The following RELCH variants were observed in gnomAD, a reference collection of about 807,000 sequenced individuals.
RELCH encodes the protein RAB11 binding and LisH domain, coiled-coil and HEAT repeat containing.
In RELCH, 41 loss-of-function variants were observed where a neutral mutation model predicts 150.3. The ratio of observed to expected loss-of-function variants is 0.27; its 90% CI spans 0.21 to 0.35. RELCH has a LOEUF of 0.35. Among genes scored for constraint, RELCH ranks in the 10% least tolerant of loss-of-function variants. The pLI, the probability that RELCH is intolerant of heterozygous loss-of-function variation, is 1.00. For synonymous variants in RELCH, 478 were observed against 531.8 expected (o/e 0.90, Z 1.39); for missense variants, 1,092 against 1,467.8 (o/e 0.74, Z 4.18).
chr18:62,211,224 A>C lies in RELCH; in HGVS notation c.598A>C (p.Thr200Pro). Residue 200 changes from threonine (T) to proline (P), a missense_variant, in exon 2 of 29, where the codon ACA (threonine) becomes CCA (proline). Physicochemically the swap from Thr to Pro is conservative, Grantham distance 38 (BLOSUM62 -1). Around this residue, in one of 4 missense-constraint regions of RELCH, gnomAD observed 190 missense variants for 276.2 expected, o/e 0.69. Coordinates refer to ENST00000644646, the MANE Select transcript of RELCH (RefSeq NM_001346231.2). ...ARYSDDGNRE[T>P]DEKVAVLEFE... ...ATATTCAGATGATGGTAACAGGGAA[A>C]CAGATGAAAAAGTGGCAGGTGAGTA... The C allele has an allele frequency of 1.2e-6, 2 of 1,606,898 alleles. No individual in the cohort carries two copies. Among genetic ancestry groups the C allele is most frequent in the Non-Finnish European group, 1.7e-6 (2 of 1,173,938 alleles).
intron 2 of RELCH, among the ~76,000 whole-genome samples, chr18:62,212,858 G>A (rs979363810): frequency 1.3e-5 from 2 of 152,132 alleles, no homozygotes; most frequent in African/African-American, 4.8e-5. Flanking sequence ...CTCAAGACTA[G>A]AGATATTGAA....
chr18:62,239,423 GAA>G (rs1167352421), intron 10 of RELCH, among the ~76,000 whole-genome samples: 13 of 151,146 alleles, frequency 8.6e-5, no homozygotes, highest in Non-Finnish European at 1.6e-4. Context: ...AGTTTCAACT[GAA>G]AAGTTAAATC....
rs1407645801 is a variant in RELCH, at chr18:62,187,986, G to A, written c.481G>A (p.Ala161Thr). The A allele has an allele frequency of 6.3e-7, 1 of 1,599,156 alleles. No homozygotes were observed. Among genetic ancestry groups the A allele is most frequent in the African/African-American group, 1.3e-5 (1 of 74,950 alleles). The change falls in exon 1 of 29, where the codon GCT becomes ACT. Residue 161 changes from alanine to threonine, a missense_variant. By Grantham distance (58) the Ala-to-Thr change is moderately conservative. Around this residue, in one of 4 missense-constraint regions of RELCH, gnomAD observed 190 missense variants for 276.2 expected, o/e 0.69. Coordinates refer to ENST00000644646, the MANE Select transcript of RELCH (RefSeq NM_001346231.2). ...GVPGAAGVGGAGGREPSTASG... is the reference protein window; with the variant it reads ...GVPGAAGVGGTGGREPSTASG... ...CCCTGGAGCAGCCGGCGTTGGGGGC[G>A]CTGGAGGTCGGGAACCGAGTACAGC...
intron 1 of RELCH, 122 bp downstream of exon 1, chr18:62,188,153 G>A: frequency 8.7e-7 from 1 of 1,155,374 alleles, no homozygotes; most frequent in Non-Finnish European, 1.2e-6. Context: ...CGAGAGTATT[G>A]GGGTGGGGGC....
chr18:62,214,305 T>G lies in RELCH; in HGVS notation c.616+3063T>G, dbSNP rs142476655. Reference sequence around the variant, plus strand: ...GAAACTTTTTTTAAAAAAATTTCAATTAATCATAATTCCTATTTCCAAAAA... The same window carrying G: ...GAAACTTTTTTTAAAAAAATTTCAAGTAATCATAATTCCTATTTCCAAAAA... On this transcript the variant is annotated intron_variant, in intron 2 of 28. Transcript: ENST00000644646. Among the ~76,000 whole-genome samples the G allele has an allele frequency of 6.0e-3, 905 of 151,852 alleles. 8 individuals are homozygous for G. Among genetic ancestry groups the G allele is most frequent in the Middle Eastern group, 0.02 (6 of 294 alleles).
rs1451209289 is a variant in RELCH, at chr18:62,305,159, G to A, written c.3531-255G>A. Among the ~76,000 whole-genome samples the A allele has an allele frequency of 2.6e-5, 4 of 152,136 alleles. No individual in the cohort carries two copies. The highest frequency in any genetic ancestry group is 5.9e-5 in the Non-Finnish European group (4 of 68,032). On this transcript the variant is annotated intron_variant, in intron 28 of 28. Coordinates refer to ENST00000644646, the MANE Select transcript of RELCH (RefSeq NM_001346231.2). This position sits in a 1 kb window ranked among gnomAD's most constrained non-coding sequence, Gnocchi z 4.0. ...AGATGAGATTAAATAATTTACCCGA[G>A]CTGGTAAACAGAGCCAAGATTCAGT...
chr18:62,296,804 TAC>T lies in RELCH; in HGVS notation c.3460-1984_3460-1983del, dbSNP rs1467078824. On this transcript the variant is annotated intron_variant, in intron 27 of 28. Transcript: ENST00000644646. ...ATGAGGTTGTTTTTTCTTCTGTTGA[TAC>T]AGTGTATTACATTAATTTATCTTGG... Among the ~76,000 whole-genome samples the T allele has an allele frequency of 3.3e-5, 5 of 152,370 alleles. No individual in the cohort carries two copies. The East Asian group carries it at 9.6e-4, about 29-fold the overall frequency.
At chr18:62,209,184 A>G (rs1341967334) in intron 1 of RELCH, among the ~76,000 whole-genome samples, 1 of 152,210 alleles carries the variant, frequency 6.6e-6, no homozygotes, top group Non-Finnish European at 1.5e-5. Context: ...TCTGCTTACA[A>G]CATTGCTAAT....
At chr18:62,206,966 G>A (rs571573008) in intron 1 of RELCH, among the ~76,000 whole-genome samples, 6 of 152,080 alleles carry the variant, frequency 3.9e-5, no homozygotes, top group South Asian at 2.1e-4. Context: ...TCTTAAACTC[G>A]TGGGTTCAAG....
chr18:62,253,805 G>A (rs1386696652), intron 12 of RELCH, among the ~76,000 whole-genome samples: 2 of 152,086 alleles, frequency 1.3e-5, no homozygotes, highest in African/African-American at 4.8e-5. Flanking sequence ...CTAATTTAGG[G>A]TGAGGTTCTA....
chr18:62,234,310 TG>T (rs2041760049), intron 10 of RELCH, among the ~76,000 whole-genome samples: 1 of 151,408 alleles, frequency 6.6e-6, no homozygotes, highest in Non-Finnish European at 1.5e-5. Context: ...TGTTTTGTTT[TG>T]TTTTTTGGGT....
chr18:62,219,191 C>T (rs1350545288), intron 2 of RELCH, among the ~76,000 whole-genome samples: 1 of 151,576 alleles, frequency 6.6e-6, no homozygotes, highest in African/African-American at 2.4e-5. Context: ...AAATTCTTGC[C>T]GTCTGACATG....
intron 1 of RELCH, among the ~76,000 whole-genome samples, chr18:62,194,782 T>C (rs1298735275): frequency 6.6e-6 from 1 of 152,212 alleles, no homozygotes; most frequent in Non-Finnish European, 1.5e-5. Context: ...TCTAAAACAT[T>C]ATTTTGATTT....
At chr18:62,238,831 C>T (rs371763685) in intron 10 of RELCH, among the ~76,000 whole-genome samples, 2 of 152,016 alleles carry the variant, frequency 1.3e-5, no homozygotes, top group East Asian at 3.9e-4. Context: ...TCAATAAAAC[C>T]GTCATTAAAA....
intron 11 of RELCH, 33 bp from the exon 12 acceptor site, chr18:62,252,631 C>G (rs779824569): frequency 6.4e-7 from 1 of 1,555,966 alleles, no homozygotes; most frequent in South Asian, 1.1e-5. Flanking sequence ...CTTTCTCATG[C>G]AAATACAAGC....
At chr18:62,254,026 C>T (rs926105047) in intron 12 of RELCH, among the ~76,000 whole-genome samples, 2 of 152,012 alleles carry the variant, frequency 1.3e-5, no homozygotes, top group Admixed American at 6.6e-5. Context: ...AAAGACAAAC[C>T]CTAACTGCTT....
intron 15 of RELCH, among the ~76,000 whole-genome samples, chr18:62,260,226 ATGATCTGAAT>A (rs2043191160): frequency 4.8e-5 from 7 of 145,168 alleles, no homozygotes; most frequent in Non-Finnish European, 9.1e-5. Flanking sequence ...GAATGGGCAA[ATGATCTGAAT>A]AAACACTTCT....
At chr18:62,204,657 T>C (rs752004414) in intron 1 of RELCH, among the ~76,000 whole-genome samples, 1 of 152,210 alleles carries the variant, frequency 6.6e-6, no homozygotes, top group Non-Finnish European at 1.5e-5. Context: ...ATTAGTTATT[T>C]ACCAAGGCAG....
intron 10 of RELCH, among the ~76,000 whole-genome samples, chr18:62,240,908 G>A (rs538311695): frequency 6.6e-6 from 1 of 152,210 alleles, no homozygotes; most frequent in Non-Finnish European, 1.5e-5. Flanking sequence ...AGGAGGGGGA[G>A]TTGGGCTGGC....
Sources: gnomAD v4.1 joint callset for allele counts (sites outside exome capture counted in the v4.1 genomes callset) on GRCh38, gnomAD v4.1.1 for gene constraint, gnomAD v4.1.1 regional missense constraint, Gnocchi (gnomAD v3.1) non-coding constraint, MANE v1.5 for transcripts, NCBI Gene and HGNC (gene_info 2026-07-23, HGNC 2026-07-21) for gene names.